LTAP1: variants seen among roughly 807,000 people sequenced by gnomAD.
LTAP1 encodes lipid transport auxiliary protein 1.
At chr1:154,210,318 C>G in the LTAP1 span, among the ~76,000 whole-genome samples, 1 of 152,182 alleles carries the variant, frequency 6.6e-6, no homozygotes, top group African/African-American at 2.4e-5. Flanking sequence ...GGATTATAGA[C>G]GTGAGCCACT....
the LTAP1 span, among the ~76,000 whole-genome samples, chr1:154,211,242 A>G: frequency 6.9e-6 from 1 of 145,952 alleles, no homozygotes; most frequent in Non-Finnish European, 1.5e-5. Flanking sequence ...TGACCTTGTG[A>G]TCCACCCTCC....
the LTAP1 span, chr1:154,207,317 T>A: frequency 1.3e-6 from 1 of 772,416 alleles, no homozygotes; most frequent in Non-Finnish European, 2.2e-6. Context: ...CTCTAAGAAC[T>A]CTGGATACAA....
chr1:154,210,107 C>T, the LTAP1 span, among the ~76,000 whole-genome samples: 6 of 151,602 alleles, frequency 4.0e-5, no homozygotes, highest in South Asian at 2.1e-4. Context: ...GGCACAATCT[C>T]GGCTCACTGC....
At chr1:154,219,956 A>AC in the LTAP1 span, 5 of 1,565,092 alleles carry the variant, frequency 3.2e-6, no homozygotes, top group African/African-American at 1.4e-5. Context: ...AAAGATGTAA[A>AC]AATCCTTTAA....
chr1:154,208,683 T>C, the LTAP1 span, among the ~76,000 whole-genome samples: 5 of 152,118 alleles, frequency 3.3e-5, no homozygotes, highest in Non-Finnish European at 5.9e-5. Flanking sequence ...AAACCTAAGT[T>C]TGTCAGATTT....
At chr1:154,213,788 G>A in the LTAP1 span, 2 of 850,388 alleles carry the variant, frequency 2.4e-6, no homozygotes, top group East Asian at 2.6e-5. Context: ...TACTAGCCAG[G>A]GATGTGCAGA....
the LTAP1 span, chr1:154,219,752 G>A: frequency 1.0e-6 from 1 of 990,922 alleles, no homozygotes. Context: ...GAGAATTAAA[G>A]TCATCACTAA....
the LTAP1 span, chr1:154,214,620 GC>G: frequency 1.3e-3 from 1,579 of 1,241,672 alleles, 21 homozygotes; most frequent in African/African-American, 0.021. Context: ...CCTGCACTCT[GC>G]TTTCCACCAA....
the LTAP1 span, chr1:154,212,227 T>C: frequency 2.2e-6 from 3 of 1,337,244 alleles, no homozygotes; most frequent in East Asian, 4.6e-5. Flanking sequence ...TATCATGGAT[T>C]TTGTTTATAT....
At chr1:154,217,206 C>T in the LTAP1 span, among the ~76,000 whole-genome samples, 1 of 152,152 alleles carries the variant, frequency 6.6e-6, no homozygotes, top group African/African-American at 2.4e-5. Flanking sequence ...GCCTCAGCCT[C>T]CCAAAGTGCT....
the LTAP1 span, among the ~76,000 whole-genome samples, chr1:154,208,026 A>C: frequency 6.6e-6 from 1 of 151,978 alleles, no homozygotes; most frequent in Non-Finnish European, 1.5e-5. Context: ...ACTTGAACCC[A>C]GGAGGCAGAG....
chr1:154,213,937 T>G, the LTAP1 span: 2 of 1,612,684 alleles, frequency 1.2e-6, no homozygotes, highest in Non-Finnish European at 1.7e-6. Flanking sequence ...ATACAGATAG[T>G]TGTAGCAACC....
the LTAP1 span, chr1:154,212,429 T>C: frequency 6.2e-7 from 1 of 1,613,984 alleles, no homozygotes; most frequent in Non-Finnish European, 8.5e-7. Flanking sequence ...AGGGATCTCT[T>C]TAGTGCCCCG....
the LTAP1 span, among the ~76,000 whole-genome samples, chr1:154,208,311 G>A: frequency 5.3e-5 from 8 of 151,992 alleles, no homozygotes; most frequent in South Asian, 2.1e-4. Context: ...CAGGAGGATC[G>A]CTTGAACCCA....
At chr1:154,212,965 G>A in the LTAP1 span, among the ~76,000 whole-genome samples, 223 of 152,186 alleles carry the variant, frequency 1.5e-3, no homozygotes, top group African/African-American at 1.6e-3. Flanking sequence ...GAGCCACTGC[G>A]CCTGCCCCAT....
At chr1:154,212,467 A>G in the LTAP1 span, 1 of 1,614,176 alleles carries the variant, frequency 6.2e-7, no homozygotes, top group Non-Finnish European at 8.5e-7. Context: ...CCCCTGTCCC[A>G]TAGCGGGCTG....
the LTAP1 span, chr1:154,212,400 G>C: frequency 6.2e-7 from 1 of 1,614,078 alleles, no homozygotes; most frequent in Non-Finnish European, 8.5e-7. Flanking sequence ...GAAAGGAAGA[G>C]TGAGGATCTC....
the LTAP1 span, among the ~76,000 whole-genome samples, chr1:154,217,035 C>T: frequency 1.7e-4 from 25 of 151,124 alleles, no homozygotes; most frequent in East Asian, 2.2e-3. Flanking sequence ...CTGCAACCTC[C>T]GCCGGGGCTC....
At chr1:154,213,930 C>T in the LTAP1 span, 252 of 1,612,940 alleles carry the variant, frequency 1.6e-4, 1 homozygote, top group African/African-American at 2.7e-3. Flanking sequence ...TCATCCTATA[C>T]AGATAGTTGT....
Sources: gnomAD v4.1 joint callset for allele counts (sites outside exome capture counted in the v4.1 genomes callset) on GRCh38, gnomAD v4.1.1 for gene constraint, MANE v1.5 for transcripts, NCBI Gene and HGNC (gene_info 2026-07-23, HGNC 2026-07-21) for gene names.